The following PDE1A variants were observed in gnomAD, a reference collection of about 807,000 sequenced individuals.
PDE1A encodes the protein phosphodiesterase 1A.
A neutral mutation model predicts 61.7 loss-of-function variants in PDE1A; 35 were observed. The ratio of observed to expected loss-of-function variants is 0.57; its 90% CI spans 0.43 to 0.75. The LOEUF (loss-of-function observed/expected upper bound fraction) is 0.75. PDE1A is among the 30% of genes least tolerant of loss of function. The pLI is 0.00. For missense variants in PDE1A, 597 were observed against 630.6 expected, an observed-to-expected ratio of 0.95 and a Z score of 0.57; for synonymous variants, 232 against 213.2, an observed-to-expected ratio of 1.09 and a Z score of -0.77.
At chr2:182,298,270 C>T (rs1013738952) in intron 1 of PDE1A, among the ~76,000 whole-genome samples, 4 of 152,052 alleles carry the variant, frequency 2.6e-5, no homozygotes, top group Non-Finnish European at 5.9e-5. Context: ...GCCATTGCAG[C>T]GCTTAAAGCA....
At chr2:182,527,138 CAAGGT>C (rs899290244), upstream of PDE1A, among the ~76,000 whole-genome samples, 10 of 148,518 alleles carry the variant, frequency 6.7e-5, no homozygotes, top group African/African-American at 2.5e-4. Flanking sequence ...ATTCAATGTA[CAAGGT>C]AAGAACAGAA....
the PDE1A span, among the ~76,000 whole-genome samples, chr2:182,676,968 G>A: frequency 6.6e-6 from 1 of 152,078 alleles, no homozygotes; most frequent in East Asian, 1.9e-4. Context: ...ATACTGAATG[G>A]GCAAAAGCTG....
At chr2:182,477,561 C>T (rs1183225023) in intron 2 of PDE1A, among the ~76,000 whole-genome samples, 3 of 151,848 alleles carry the variant, frequency 2.0e-5, no homozygotes, top group Admixed American at 1.3e-4. Context: ...TGCTGTCCTG[C>T]CTCCACATAT....
At chr2:182,335,954 A>C (rs1158946343) in intron 1 of PDE1A, among the ~76,000 whole-genome samples, 1 of 152,200 alleles carries the variant, frequency 6.6e-6, no homozygotes, top group Non-Finnish European at 1.5e-5. Flanking sequence ...AAAAGTGGGC[A>C]AAGGATATGA....
the PDE1A span, among the ~76,000 whole-genome samples, chr2:182,647,299 G>A: frequency 1.9e-4 from 29 of 152,206 alleles, no homozygotes; most frequent in Admixed American, 8.5e-4. Context: ...TGACAAGATA[G>A]ATTACTGAAT....
chr2:182,278,235 T>C (rs554426422), intron 1 of PDE1A, among the ~76,000 whole-genome samples: 157 of 152,140 alleles, frequency 1.0e-3, no homozygotes, highest in African/African-American at 3.6e-3. Flanking sequence ...CATTTAAGGA[T>C]GTGATTTAAC....
At chr2:182,702,143 G>A in the PDE1A span, among the ~76,000 whole-genome samples, 14 of 152,050 alleles carry the variant, frequency 9.2e-5, no homozygotes, top group African/African-American at 3.1e-4. Context: ...TCACTCTGTC[G>A]CCCAGGCTGA....
At chr2:182,444,990 G>A (rs1429996020) in intron 2 of PDE1A, among the ~76,000 whole-genome samples, 3 of 151,998 alleles carry the variant, frequency 2.0e-5, no homozygotes, top group African/African-American at 7.2e-5. Context: ...GCCAAAAATT[G>A]TTTTTATTGG....
chr2:182,277,415 A>G (rs976456568), intron 1 of PDE1A, among the ~76,000 whole-genome samples: 1 of 152,110 alleles, frequency 6.6e-6, no homozygotes, highest in African/African-American at 2.4e-5. Flanking sequence ...TCATTTGGGA[A>G]TGCCATCATC....
exon 15 of PDE1A, chr2:182,141,691 A>G (rs1231050123): frequency 6.6e-6 from 1 of 152,214 alleles, no homozygotes; most frequent in Non-Finnish European, 1.5e-5. Flanking sequence ...AAAGCTTCCA[A>G]TTGTACCCTT....
At chr2:182,601,369 A>G in the PDE1A span, among the ~76,000 whole-genome samples, 1 of 152,262 alleles carries the variant, frequency 6.6e-6, no homozygotes, top group African/African-American at 2.4e-5. Flanking sequence ...AGCAGCACGC[A>G]GAAGCTCAGA....
chr2:182,555,915 C>T, the PDE1A span, among the ~76,000 whole-genome samples: 2 of 134,360 alleles, frequency 1.5e-5, no homozygotes, highest in Non-Finnish European at 3.0e-5. Flanking sequence ...TGCAGTAAGC[C>T]GAGATGTCGC....
At chr2:182,292,922 G>A (rs1319031697) in intron 1 of PDE1A, among the ~76,000 whole-genome samples, 1 of 151,976 alleles carries the variant, frequency 6.6e-6, no homozygotes, top group African/African-American at 2.4e-5. Context: ...TATTGTCAGT[G>A]TATCATTGTG....
intron 2 of PDE1A, among the ~76,000 whole-genome samples, chr2:182,473,951 A>G (rs553841982): frequency 2.0e-5 from 3 of 151,982 alleles, no homozygotes; most frequent in Non-Finnish European, 2.9e-5. Flanking sequence ...GTGAACATAC[A>G]TGTGCATGTA....
intron 1 of PDE1A, among the ~76,000 whole-genome samples, chr2:182,376,856 G>T (rs929616054): frequency 1.3e-5 from 2 of 152,198 alleles, no homozygotes; most frequent in Non-Finnish European, 2.9e-5. Flanking sequence ...TTGGATGGCA[G>T]CAGGCAAAGA....
chr2:182,234,470 C>G, exon 4 of PDE1A: 3 of 1,605,194 alleles, frequency 1.9e-6, no homozygotes, highest in Non-Finnish European at 2.6e-6. Context: ...TATGCCAAAC[C>G]AACCATATGA....
At chr2:182,392,248 G>T (rs1006092099) in intron 1 of PDE1A, among the ~76,000 whole-genome samples, 4 of 152,158 alleles carry the variant, frequency 2.6e-5, no homozygotes, top group Non-Finnish European at 4.4e-5. Context: ...AGGAACAAAG[G>T]CACCTCTTAC....
chr2:182,298,783 T>C (rs1408859666), intron 1 of PDE1A, among the ~76,000 whole-genome samples: 2 of 152,054 alleles, frequency 1.3e-5, no homozygotes, highest in African/African-American at 4.8e-5. Flanking sequence ...ATCAATATTA[T>C]ATATTAGCAA....
chr2:182,402,735 C>T (rs1164693348), intron 1 of PDE1A, among the ~76,000 whole-genome samples: 3 of 152,146 alleles, frequency 2.0e-5, no homozygotes, highest in Admixed American at 1.3e-4. Context: ...TCAGAGTGAA[C>T]AGGCAACCTA....
Sources: gnomAD v4.1 joint callset for allele counts (sites outside exome capture counted in the v4.1 genomes callset) on GRCh38, gnomAD v4.1.1 for gene constraint, MANE v1.5 for transcripts, NCBI Gene and HGNC (gene_info 2026-07-23, HGNC 2026-07-21) for gene names.